Variants in DPH6 observed in about 807,000 individuals in gnomAD.
DPH6 encodes the protein diphthine--ammonia ligase.
A neutral mutation model predicts 38.2 loss-of-function variants in DPH6; 33 were observed. The observed-to-expected ratio is 0.86, with a 90% confidence interval of 0.65 to 1.15. DPH6 has a LOEUF of 1.15. DPH6 is among the 50% of genes most tolerant of loss of function. DPH6 has a pLI of 0.00. For synonymous variants in DPH6, 108 were observed against 103.0 expected (o/e 1.05, Z -0.30); for missense variants, 325 against 320.0 (o/e 1.02, Z -0.12).
chr15:35,342,525 G>A (rs984500794), intron 3 of DPH6, among the ~76,000 whole-genome samples: 3 of 152,148 alleles, frequency 2.0e-5, no homozygotes, highest in African/African-American at 7.2e-5. Context: ...GCAAGAACCT[G>A]GATATTTCAG....
intron 5 of DPH6, among the ~76,000 whole-genome samples, chr15:35,425,958 A>G (rs16960902): frequency 0.22 from 33,478 of 150,940 alleles, 3,923 homozygotes; most frequent in South Asian, 0.37. Context: ...AAGCAAAACC[A>G]GCATTTCCTT....
At chr15:35,368,308 TG>T (rs1286831895), downstream of DPH6, among the ~76,000 whole-genome samples, 1 of 151,840 alleles carries the variant, frequency 6.6e-6, no homozygotes, top group Admixed American at 6.6e-5. Flanking sequence ...GAGTGGCCAT[TG>T]GTTCAGTATC....
chr15:35,394,836 A>C lies in DPH6; in HGVS notation c.568-12920T>G, dbSNP rs529834249. On this transcript the variant is annotated intron_variant, in intron 6 of 8. Coordinates refer to ENST00000256538, the MANE Select transcript of DPH6 (RefSeq NM_080650.4). Reference sequence around the variant, plus strand: ...ACATATACTCAATAAAGGGGCTGCTAATTTTATTTTTTACTCTTTTCCAGA... The same window carrying C: ...ACATATACTCAATAAAGGGGCTGCTCATTTTATTTTTTACTCTTTTCCAGA... Among the ~76,000 whole-genome samples the C allele has an allele frequency of 4.6e-5, 7 of 152,294 alleles. No individual in the cohort carries two copies. The Middle Eastern group carries it at 0.014, about 296-fold the overall frequency.
intron 3 of DPH6, among the ~76,000 whole-genome samples, chr15:35,340,692 G>C (rs1223867735): frequency 2.0e-5 from 3 of 152,170 alleles, no homozygotes; most frequent in African/African-American, 7.2e-5. Context: ...CTTTAAGAAT[G>C]TTGAATATTC....
At chr15:35,268,661 CAT>C (rs925980316) in intron 3 of DPH6, among the ~76,000 whole-genome samples, 14 of 147,540 alleles carry the variant, frequency 9.5e-5, no homozygotes, top group African/African-American at 2.0e-4. Context: ...TTTTTGAAAA[CAT>C]AAGATTAAAA....
At chr15:35,427,175 T>C (rs1032401443) in intron 5 of DPH6, among the ~76,000 whole-genome samples, 10 of 151,818 alleles carry the variant, frequency 6.6e-5, no homozygotes, top group African/African-American at 2.4e-4. Context: ...TTAGTTTTAT[T>C]TTGCATTGAC....
At position 35,516,614 on chromosome 15, in the gene DPH6, T is replaced by C. The variant is rs1347437586; in HGVS notation, c.312+21660A>G. Among the ~76,000 whole-genome samples, 23 of 152,192 alleles carry C rather than the reference T, an allele frequency of 1.5e-4. 2 individuals carry two copies. The highest frequency in any genetic ancestry group is 1.3e-3 in the Admixed American group (20 of 15,274). On this transcript the variant is annotated intron_variant, in intron 3 of 8. Coordinates refer to ENST00000256538, the MANE Select transcript of DPH6 (RefSeq NM_080650.4). ...CCAACATTTCTTGGTAAACACAATA[T>C]TGGTTTTCTAAACTCTATTTAATTA...
intron 3 of DPH6, among the ~76,000 whole-genome samples, chr15:35,352,327 C>T (rs535536962): frequency 9.4e-4 from 143 of 151,336 alleles, no homozygotes; most frequent in African/African-American, 3.1e-3. Flanking sequence ...ATGTGCACAA[C>T]GTGCAGGTTT....
chr15:35,484,538 A>T (rs976620971), intron 3 of DPH6, among the ~76,000 whole-genome samples: 4 of 152,256 alleles, frequency 2.6e-5, no homozygotes, highest in African/African-American at 9.6e-5. Context: ...AGTGGCAGTT[A>T]GCCAGAGGCC....
intron 5 of DPH6, among the ~76,000 whole-genome samples, chr15:35,421,848 G>A (rs1349603777): frequency 6.6e-6 from 1 of 152,066 alleles, no homozygotes; most frequent in African/African-American, 2.4e-5. Flanking sequence ...GATCATTCCA[G>A]CTTCAGTCAA....
At chr15:35,495,544 T>C (rs144402647) in intron 3 of DPH6, among the ~76,000 whole-genome samples, 239 of 152,256 alleles carry the variant, frequency 1.6e-3, no homozygotes, top group African/African-American at 5.3e-3. Context: ...CACATGTGCA[T>C]GACTTCTACA....
At position 35,447,848 on chromosome 15, in the gene DPH6, G is replaced by A. The variant is rs901554267; in HGVS notation, c.505+2837C>T. On this transcript the variant is annotated intron_variant, in intron 5 of 8. Transcript: ENST00000256538. Reference sequence around the variant, plus strand: ...GGGAAAGATATATAGTTGTGTACTTGCCTCCTCCCCCATCATCTCATTCCT... The same window carrying A: ...GGGAAAGATATATAGTTGTGTACTTACCTCCTCCCCCATCATCTCATTCCT... 2.8e-4 allele frequency among the ~76,000 whole-genome samples: 43 copies of A among 151,882 alleles called. 1 individual carries two copies. Among genetic ancestry groups the A allele is most frequent in the Admixed American group, 8.5e-4 (13 of 15,250 alleles).
At chr15:35,345,515 T>TACCTAACCA (rs2052454898) in intron 3 of DPH6, among the ~76,000 whole-genome samples, 4 of 151,958 alleles carry the variant, frequency 2.6e-5, no homozygotes, top group African/African-American at 9.7e-5. Flanking sequence ...GTTGTCTGTA[T>TACCTAACCA]TATTCTGTTA....
intron 3 of DPH6, among the ~76,000 whole-genome samples, chr15:35,464,252 C>T (rs1170326311): frequency 4.7e-5 from 7 of 150,364 alleles, no homozygotes; most frequent in South Asian, 2.1e-4. Flanking sequence ...CGAGATCGTG[C>T]TACAGTACTC....
chr15:35,331,039 A>T (rs1467813739), exon 4 of DPH6: 1 of 152,166 alleles, frequency 6.6e-6, no homozygotes, highest in East Asian at 1.9e-4. Flanking sequence ...GTCCACTGGT[A>T]AGCGGTGGGA....
In DPH6 at chr15:35,349,240, G is replaced by A. The variant is rs7183552; in HGVS notation, n.208-18163C>T. On this transcript the variant is annotated intron_variant and non_coding_transcript_variant, in intron 3 of 3. Coordinates refer to the DPH6 transcript ENST00000558973. ...ATCCTTCCCTTGTTACCAATCTTAA[G>A]AGGAAAAGCTTACAGTTTTTCACTT... Among the ~76,000 whole-genome samples the A allele has an allele frequency of 7.0e-3, 1,059 of 152,204 alleles. 16 individuals are homozygous for A. Among genetic ancestry groups the A allele is most frequent in the African/African-American group, 0.024 (988 of 41,530 alleles).
At chr15:35,359,123 C>T (rs113172216) in intron 3 of DPH6, among the ~76,000 whole-genome samples, 4,563 of 151,970 alleles carry the variant, frequency 0.03, 232 homozygotes, top group African/African-American at 0.1. Context: ...GGAGGATTAT[C>T]GCTGCCTCTG....
At chr15:35,191,591 C>T in the DPH6 span, among the ~76,000 whole-genome samples, 1 of 152,298 alleles carries the variant, frequency 6.6e-6, no homozygotes, top group East Asian at 1.9e-4. Flanking sequence ...TGAAGCCCTT[C>T]CTGACACTCT....
intron 3 of DPH6, among the ~76,000 whole-genome samples, chr15:35,250,485 G>A (rs2051666710): frequency 6.6e-6 from 1 of 152,116 alleles, no homozygotes; most frequent in Admixed American, 6.5e-5. Flanking sequence ...TCAAATATAT[G>A]TTGCAGGCCA....
Sources: allele counts gnomAD v4.1 joint callset (sites outside exome capture counted in the v4.1 genomes callset), GRCh38; gene constraint gnomAD v4.1.1; transcripts MANE v1.5; gene names NCBI Gene and HGNC (gene_info 2026-07-23, HGNC 2026-07-21).